COL4A2: variants seen among roughly 807,000 people sequenced by gnomAD.
The protein encoded by COL4A2 is collagen alpha-2(IV) chain.
COL4A2 carries 99 observed loss-of-function variants against 200.2 expected under a neutral mutation model. That is an observed-to-expected ratio of 0.49 (90% CI 0.42 to 0.58). COL4A2 has a LOEUF of 0.58. Ranked by LOEUF, COL4A2 falls within the 20% of genes least tolerant of loss-of-function variation. The pLI, the probability that COL4A2 is intolerant of heterozygous loss-of-function variation, is 0.00. For synonymous variants in COL4A2, 897 were observed against 900.6 expected (o/e 1.00, Z 0.07); for missense variants, 1,950 against 2,314.1 (o/e 0.84, Z 3.23).
chr13:110,346,111 A>C (rs1220885857), intron 3 of COL4A2, among the ~76,000 whole-genome samples: 3 of 152,164 alleles, frequency 2.0e-5, no homozygotes, highest in African/African-American at 7.2e-5. Flanking sequence ...GGCCAGTGAG[A>C]GGTGAATTTG....
At chr13:110,474,572 A>ACG (rs60673441) in intron 29 of COL4A2, among the ~76,000 whole-genome samples, 18,857 of 151,800 alleles carry the variant, frequency 0.12, 1,252 homozygotes, top group Middle Eastern at 0.2. Flanking sequence ...ACACACACAC[A>ACG]TTCACGGTCA....
At chr13:110,449,838 T>C (rs1367478177) in intron 19 of COL4A2, 49 bp downstream of exon 19, 2 of 1,515,556 alleles carry the variant, frequency 1.3e-6, no homozygotes, top group Non-Finnish European at 1.8e-6. Context: ...GCACCTGCAC[T>C]CAGGTCCTAG....
In COL4A2 at chr13:110,428,526, C is replaced by T; in HGVS notation, c.420C>T (p.Thr140=). The change falls in exon 7 of 48, where the codon ACC becomes ACT. Residue 140 remains threonine, a synonymous_variant. Transcript: ENST00000360467. ...GRPGYDGCNG[T]QGDSGPQGPP... is the part of the protein sequence containing the mutation. ...CGGGCTACGATGGCTGCAACGGAAC[C>T]CAGGGAGACTCAGGTCCACAGGGGC... is the stretch of plus-strand genomic sequence containing the variant. The T allele has an allele frequency of 6.3e-7, 1 of 1,582,944 alleles. No homozygotes were observed. Among genetic ancestry groups the T allele is most frequent in the Non-Finnish European group, 8.6e-7 (1 of 1,168,894 alleles).
At chr13:110,509,986 C>A (rs1011942268) in intron 47 of COL4A2, among the ~76,000 whole-genome samples, 1 of 152,364 alleles carries the variant, frequency 6.6e-6, no homozygotes, top group Admixed American at 6.5e-5. Flanking sequence ...TAAACCAAGA[C>A]AGCTGTGTGC....
chr13:110,437,401 G>T (rs977805932), intron 13 of COL4A2, among the ~76,000 whole-genome samples: 1 of 152,212 alleles, frequency 6.6e-6, no homozygotes, highest in East Asian at 1.9e-4. Flanking sequence ...GGCTGGGAAT[G>T]GCCAACCCGC....
intron 3 of COL4A2, among the ~76,000 whole-genome samples, chr13:110,329,404 G>A (rs1001746312): frequency 2.6e-5 from 4 of 152,204 alleles, no homozygotes; most frequent in Admixed American, 6.5e-5. Context: ...GCCAGCCACA[G>A]GTGGGCGTGC....
intron 4 of COL4A2, among the ~76,000 whole-genome samples, chr13:110,410,635 T>G (rs1378886213): frequency 3.3e-5 from 5 of 152,210 alleles, no homozygotes; most frequent in Non-Finnish European, 7.3e-5. Context: ...TACCCTTTTG[T>G]TTTCTTCACG....
At chr13:110,449,958 C>G (rs1881475127) in intron 19 of COL4A2, among the ~76,000 whole-genome samples, 169 bp downstream of exon 19, 1 of 152,206 alleles carries the variant, frequency 6.6e-6, no homozygotes, top group African/African-American at 2.4e-5. Flanking sequence ...TGGACACCTT[C>G]ACAGAACCCT....
intron 40 of COL4A2, among the ~76,000 whole-genome samples, chr13:110,497,798 T>G (rs552278027): frequency 2.5e-3 from 363 of 144,296 alleles, no homozygotes; most frequent in African/African-American, 8.3e-3. Context: ...GGTGAGGATC[T>G]GGGGTCAGTC....
chr13:110,409,597 GT>G (rs1879752746), intron 4 of COL4A2, among the ~76,000 whole-genome samples: 1 of 152,236 alleles, frequency 6.6e-6, no homozygotes, highest in Non-Finnish European at 1.5e-5. Context: ...GGAAGAACCA[GT>G]GTTCTGGAGG....
chr13:110,480,610 G>T (rs1882866239), intron 31 of COL4A2, among the ~76,000 whole-genome samples: 1 of 152,180 alleles, frequency 6.6e-6, no homozygotes, highest in African/African-American at 2.4e-5. Context: ...GCCTCACAAA[G>T]CCAGTTTATG....
Position 110,428,495 on chromosome 13 carries a change from G to T in COL4A2, c.389G>T (p.Gly130Val). ...PGHPGQGGPR[G>V]RPGYDGCNGT... is the part of the protein sequence containing the mutation. ...CACCCGGGGCAAGGTGGGCCCAGGG[G>T]AAGGCCGGGCTACGATGGCTGCAAC... Residue 130 changes from glycine to valine, a missense_variant, in exon 7 of 48, where the codon GGA becomes GTA. Gly to Val is a moderately radical substitution (Grantham distance 109, BLOSUM62 -3). Coordinates refer to ENST00000360467, the MANE Select transcript of COL4A2 (RefSeq NM_001846.4). The T allele has an allele frequency of 6.3e-7, 1 of 1,584,820 alleles. No homozygotes were observed. Among genetic ancestry groups the T allele is most frequent in the Non-Finnish European group, 8.5e-7 (1 of 1,169,674 alleles).
intron 3 of COL4A2, among the ~76,000 whole-genome samples, chr13:110,311,130 C>T (rs986286294): frequency 6.6e-6 from 1 of 152,098 alleles, no homozygotes; most frequent in East Asian, 1.9e-4. Context: ...AGGCTCTCCC[C>T]CTCCTTCCTC....
Position 110,428,528 on chromosome 13 carries a change from A to G in COL4A2, c.422A>G (p.Gln141Arg), listed in dbSNP as rs756592284. 1.3e-6 allele frequency: 2 copies of G among 1,583,562 alleles called. No individual in the cohort carries two copies. The highest frequency in any genetic ancestry group is 8.6e-7 in the Non-Finnish European group (1 of 1,169,050). The change falls in exon 7 of 48, where the codon CAG becomes CGG. Residue 141 changes from glutamine (Q) to arginine (R), a missense_variant. Around this residue, in one of 2 missense-constraint regions of COL4A2, gnomAD observed 565 missense variants for 593.5 expected, o/e 0.95. Transcript: ENST00000360467. ...RPGYDGCNGTQGDSGPQGPPG... is the reference protein window; with the variant it reads ...RPGYDGCNGTRGDSGPQGPPG... ...GGCTACGATGGCTGCAACGGAACCC[A>G]GGGAGACTCAGGTCCACAGGGGCCC...
chr13:110,374,329 C>T (rs1878144561), intron 4 of COL4A2, among the ~76,000 whole-genome samples: 1 of 152,266 alleles, frequency 6.6e-6, no homozygotes, highest in South Asian at 2.1e-4. Flanking sequence ...AACTCTGACC[C>T]GAGATCTGGA....
At chr13:110,493,135 C>G (rs990506131) in intron 38 of COL4A2, 76 bp from the exon 39 acceptor site, 3 of 1,555,472 alleles carry the variant, frequency 1.9e-6, no homozygotes, top group Non-Finnish European at 1.8e-6. Context: ...TGAGTGACAC[C>G]CCCGCAGGTG....
chr13:110,315,328 G>A (rs553274682), intron 3 of COL4A2, among the ~76,000 whole-genome samples: 164 of 152,330 alleles, frequency 1.1e-3, no homozygotes, highest in Non-Finnish European at 2.0e-3. Context: ...AGGATTATAA[G>A]TCATGATTGT....
intron 3 of COL4A2, among the ~76,000 whole-genome samples, chr13:110,310,697 A>C (rs1310229276): frequency 2.0e-5 from 3 of 151,854 alleles, no homozygotes; most frequent in Non-Finnish European, 2.9e-5. Flanking sequence ...AGGTCAGTTC[A>C]GGAAAAAGGG....
intron 4 of COL4A2, among the ~76,000 whole-genome samples, chr13:110,410,213 G>A (rs1879776099): frequency 6.6e-6 from 1 of 152,236 alleles, no homozygotes; most frequent in Non-Finnish European, 1.5e-5. Flanking sequence ...AAGCCAGGCT[G>A]CTCAGCCACT....
Sources: gnomAD v4.1 joint callset for allele counts (sites outside exome capture counted in the v4.1 genomes callset) on GRCh38, gnomAD v4.1.1 for gene constraint, gnomAD v4.1.1 regional missense constraint, MANE v1.5 for transcripts, NCBI Gene and HGNC (gene_info 2026-07-23, HGNC 2026-07-21) for gene names.